ATP6V1H: variants seen among roughly 807,000 people sequenced by gnomAD.
ATP6V1H encodes ATPase H+ transporting V1 subunit H.
ATP6V1H carries 39 observed loss-of-function variants against 71.7 expected under a neutral mutation model. That is an observed-to-expected ratio of 0.54 (90% CI 0.42 to 0.71). ATP6V1H has a LOEUF of 0.71. ATP6V1H is among the 30% of genes least tolerant of loss of function. The pLI is 0.00. For synonymous variants in ATP6V1H, 192 were observed against 199.3 expected, an observed-to-expected ratio of 0.96 and a Z score of 0.31; for missense variants, 509 against 594.9, an observed-to-expected ratio of 0.86 and a Z score of 1.50.
At chr8:53,796,302 GAAAAACCTCAGTTTGATCAAGAGATC>G (rs1232947645) in intron 8 of ATP6V1H, among the ~76,000 whole-genome samples, 4 of 152,046 alleles carry the variant, frequency 2.6e-5, no homozygotes, top group African/African-American at 7.2e-5. Context: ...CGGGGGTCAG[GAAAAACCTCAGTTTGATCAAGAGATC>G]AAAAACCTCA....
At chr8:53,775,840 A>G (rs2130339840) in intron 9 of ATP6V1H, among the ~76,000 whole-genome samples, 1 of 152,332 alleles carries the variant, frequency 6.6e-6, no homozygotes, top group East Asian at 1.9e-4. Context: ...GGCTTCACCC[A>G]GTGGGTCCCG....
At position 53,826,794 on chromosome 8, in the gene ATP6V1H, A is replaced by AT. The variant is rs1227096855; in HGVS notation, c.306+2649_306+2650insA. 2.0e-5 allele frequency among the ~76,000 whole-genome samples: 3 copies of AT among 151,836 alleles called. No homozygotes were observed. The East Asian group carries it at 5.8e-4, about 29-fold the overall frequency. On this transcript the variant is annotated intron_variant, in intron 4 of 13. Coordinates refer to ENST00000359530, the MANE Select transcript of ATP6V1H (RefSeq NM_015941.4). ...AAACCCCGTCTCTACTAAAAAAAAA[A>AT]ATATAAAAATTAGCCAGGAATGATG... is the stretch of plus-strand genomic sequence containing the variant.
intron 13 of ATP6V1H, among the ~76,000 whole-genome samples, chr8:53,722,481 C>T (rs776631996): frequency 9.2e-5 from 14 of 152,092 alleles, no homozygotes; most frequent in Non-Finnish European, 4.4e-5. Flanking sequence ...CTAATAAGAA[C>T]GTTTATTTTC....
At chr8:53,734,094 T>C (rs1807118151) in intron 13 of ATP6V1H, among the ~76,000 whole-genome samples, 1 of 152,224 alleles carries the variant, frequency 6.6e-6, no homozygotes, top group African/African-American at 2.4e-5. Context: ...CCCCCAATGC[T>C]GTGGTGACTT....
intron 8 of ATP6V1H, among the ~76,000 whole-genome samples, chr8:53,798,063 T>C (rs1348308355): frequency 2.0e-5 from 3 of 152,198 alleles, no homozygotes; most frequent in Non-Finnish European, 4.4e-5. Flanking sequence ...ATGTTAACCT[T>C]CAGACTTTCT....
At chr8:53,810,931 A>G (rs1585813239) in intron 7 of ATP6V1H, among the ~76,000 whole-genome samples, 1 of 152,308 alleles carries the variant, frequency 6.6e-6, no homozygotes, top group East Asian at 1.9e-4. Context: ...TCTGAAACAA[A>G]AGTCACCTGG....
chr8:53,832,822 A>C, intron 3 of ATP6V1H, 162 bp downstream of exon 3: 1 of 450,846 alleles, frequency 2.2e-6, no homozygotes, highest in Non-Finnish European at 3.9e-6. Flanking sequence ...GTATATTCTA[A>C]GAAAATATTC....
chr8:53,743,748 T>TC, intron 12 of ATP6V1H, 58 bp from the exon 13 acceptor site: 9 of 1,246,116 alleles, frequency 7.2e-6, no homozygotes, highest in Non-Finnish European at 9.2e-6. Context: ...TCACAGTTTG[T>TC]AAGCAGGCAG....
chr8:53,813,683 C>T (rs1810356620), intron 6 of ATP6V1H, among the ~76,000 whole-genome samples: 3 of 152,208 alleles, frequency 2.0e-5, no homozygotes, highest in Non-Finnish European at 4.4e-5. Context: ...ACAGAGCCAT[C>T]ATTCATGTCC....
At chr8:53,823,234 T>C (rs1810718335) in intron 4 of ATP6V1H, among the ~76,000 whole-genome samples, 1 of 152,212 alleles carries the variant, frequency 6.6e-6, no homozygotes, top group South Asian at 2.1e-4. Context: ...AAATTGATCA[T>C]ATACTATAAA....
intron 13 of ATP6V1H, among the ~76,000 whole-genome samples, chr8:53,742,928 C>A (rs1327808538): frequency 6.6e-6 from 1 of 152,216 alleles, no homozygotes; most frequent in Non-Finnish European, 1.5e-5. Flanking sequence ...AGGCACTGAA[C>A]ACCCAACCTA....
intron 11 of ATP6V1H, among the ~76,000 whole-genome samples, chr8:53,761,091 C>G (rs1808257101): frequency 6.6e-6 from 1 of 152,140 alleles, no homozygotes; most frequent in Admixed American, 6.5e-5. Flanking sequence ...AATCCCAGCA[C>G]TTTGGGAGGC....
chr8:53,721,863 A>C (rs1338306831), intron 13 of ATP6V1H, among the ~76,000 whole-genome samples: 4 of 152,228 alleles, frequency 2.6e-5, no homozygotes, highest in African/African-American at 9.6e-5. Context: ...TCTGAATTCA[A>C]AGACTAATAG....
chr8:53,826,776 G>A (rs945014710), intron 4 of ATP6V1H, among the ~76,000 whole-genome samples: 5 of 150,758 alleles, frequency 3.3e-5, no homozygotes, highest in Admixed American at 6.6e-5. Context: ...GTAAAACCCC[G>A]TCTCTACTAA....
At chr8:53,741,316 CA>C (rs1807406126) in intron 13 of ATP6V1H, among the ~76,000 whole-genome samples, 1 of 152,212 alleles carries the variant, frequency 6.6e-6, no homozygotes, top group South Asian at 2.1e-4. Flanking sequence ...TCCTATTTCA[CA>C]CACATCTTGC....
At chr8:53,732,122 T>C (rs1301809396) in intron 13 of ATP6V1H, among the ~76,000 whole-genome samples, 1 of 152,212 alleles carries the variant, frequency 6.6e-6, no homozygotes, top group Non-Finnish European at 1.5e-5. Flanking sequence ...TTGGCTTGAA[T>C]TGCTTGATGA....
intron 3 of ATP6V1H, among the ~76,000 whole-genome samples, chr8:53,830,220 G>A (rs1392063732): frequency 6.6e-6 from 1 of 152,156 alleles, no homozygotes; most frequent in Non-Finnish European, 1.5e-5. Flanking sequence ...ATAGTTTTAA[G>A]TATGCAACAG....
At chr8:53,760,099 T>C (rs1808217595) in intron 11 of ATP6V1H, among the ~76,000 whole-genome samples, 1 of 152,192 alleles carries the variant, frequency 6.6e-6, no homozygotes, top group Non-Finnish European at 1.5e-5. Context: ...AAGATAATAA[T>C]TGGTTGCAGC....
At chr8:53,727,364 C>A (rs1015821791) in intron 13 of ATP6V1H, among the ~76,000 whole-genome samples, 1 of 152,192 alleles carries the variant, frequency 6.6e-6, no homozygotes, top group African/African-American at 2.4e-5. Flanking sequence ...CTGGTTTTCA[C>A]CTAATTTTCC....
Sources: gnomAD v4.1 joint callset for allele counts (sites outside exome capture counted in the v4.1 genomes callset) on GRCh38, gnomAD v4.1.1 for gene constraint, MANE v1.5 for transcripts, NCBI Gene and HGNC (gene_info 2026-07-23, HGNC 2026-07-21) for gene names.